XPO7: variants seen among roughly 807,000 people sequenced by gnomAD.
XPO7 encodes exportin 7.
Under a neutral mutation model 144.3 loss-of-function variants are expected in XPO7, and 21 were observed. That is an observed-to-expected ratio of 0.15 (90% CI 0.10 to 0.21). The LOEUF is 0.21. Among genes scored for constraint, XPO7 ranks in the 10% least tolerant of loss-of-function variants. XPO7 has a pLI of 1.00. For missense variants in XPO7, 808 were observed against 1,325.8 expected, an observed-to-expected ratio of 0.61 and a Z score of 6.06; for synonymous variants, 580 against 499.6, an observed-to-expected ratio of 1.16 and a Z score of -2.15.
At chr8:22,004,918 TTAAA>T in intron 27 of XPO7, 73 bp from the exon 28 acceptor site, 5 of 758,564 alleles carry the variant, frequency 6.6e-6, no homozygotes, top group East Asian at 3.1e-5. Context: ...TTCCCATGCT[TTAAA>T]AAAAAAAAAA....
chr8:21,987,971 G>A (rs1297709866), intron 15 of XPO7, 114 bp downstream of exon 15: 67 of 1,168,190 alleles, frequency 5.7e-5, no homozygotes, highest in South Asian at 7.6e-5. Context: ...GATCGTTTGC[G>A]TCAGAAAATT....
chr8:21,994,550 T>A, intron 20 of XPO7, 99 bp downstream of exon 20: 2 of 1,129,074 alleles, frequency 1.8e-6, no homozygotes, highest in South Asian at 1.3e-5. Flanking sequence ...GGGAGGGTAG[T>A]GAGGCAGAGA....
intron 1 of XPO7, among the ~76,000 whole-genome samples, chr8:21,937,023 C>T (rs977326731): frequency 2.6e-5 from 4 of 152,176 alleles, no homozygotes; most frequent in African/African-American, 9.7e-5. Flanking sequence ...TTAGATCACT[C>T]TTAACGGACT....
At chr8:21,993,959 C>T (rs1321533622) in intron 19 of XPO7, among the ~76,000 whole-genome samples, 1 of 150,788 alleles carries the variant, frequency 6.6e-6, no homozygotes, top group African/African-American at 2.4e-5. Flanking sequence ...CTCCGCCCCC[C>T]ACCCTCTCTC....
Position 22,002,296 on chromosome 8 carries a change from G to A in XPO7, c.2943+24G>A. ...AGGTAAGAAAGTGGAGGCTTAGGAGGCAGTGATGGGGTGTCCGACAGAGGA... is the reference window on the plus strand; with the variant it reads ...AGGTAAGAAAGTGGAGGCTTAGGAGACAGTGATGGGGTGTCCGACAGAGGA... On this transcript the variant is annotated intron_variant, in intron 25 of 27. Transcript: ENST00000252512. 7.5e-6 allele frequency: 12 copies of A among 1,606,920 alleles called. No homozygotes were observed. The South Asian group carries it at 7.8e-5, about 10-fold the overall frequency.
Position 21,999,096 on chromosome 8 carries a change from C to T in XPO7, c.2434C>T (p.Arg812Cys), listed in dbSNP as rs751802967. The T allele has an allele frequency of 3.7e-6, 6 of 1,613,948 alleles. No individual in the cohort carries two copies. Among genetic ancestry groups the T allele is most frequent in the Non-Finnish European group, 2.5e-6 (3 of 1,179,862 alleles). Residue 812 changes from arginine to cysteine, a missense_variant, in exon 23 of 28, where the codon CGC (arginine) becomes TGC (cysteine). Around this residue, in one of 5 missense-constraint regions of XPO7, gnomAD observed 416 missense variants for 612.5 expected, o/e 0.68. Transcript: ENST00000252512. The part of the protein sequence containing the change: ...TSKMITMYGN[R>C]ILTLGEVPKD... The stretch of plus-strand genomic sequence containing the variant: ...TATATGACATGTCTACTCAGGCAAT[C>T]GCATCCTGACACTAGGAGAGGTCCC...
chr8:21,992,032 T>A, intron 19 of XPO7, 58 bp downstream of exon 19: 3 of 1,402,228 alleles, frequency 2.1e-6, no homozygotes, highest in Non-Finnish European at 3.0e-6. Flanking sequence ...AGTCTCTGAT[T>A]GAAAATCGTG....
In XPO7 at chr8:21,985,618, G is replaced by T. The variant is rs1585469625; in HGVS notation, c.1504G>T (p.Ala502Ser). 1.2e-6 allele frequency: 2 copies of T among 1,613,944 alleles called. No individual in the cohort carries two copies. Among genetic ancestry groups the T allele is most frequent in the East Asian group, 4.5e-5 (2 of 44,880 alleles). ...GACATGGCTGGTTTACATTATTGGA[G>T]CAGTGATCGGTGGCCGGGTTTCTTT... ...RLTWLVYIIG[A>S]VIGGRVSFAS... Residue 502 changes from alanine to serine, a missense_variant, in exon 13 of 28, where the codon GCA (alanine) becomes TCA (serine). Ala to Ser is a moderately conservative substitution (Grantham distance 99). Coordinates refer to ENST00000252512, the MANE Select transcript of XPO7 (RefSeq NM_015024.5).
intron 1 of XPO7, among the ~76,000 whole-genome samples, chr8:21,953,744 C>T (rs910844117): frequency 6.6e-6 from 1 of 152,138 alleles, no homozygotes; most frequent in Admixed American, 6.5e-5. Context: ...CTTTAATTTG[C>T]AGTTTCTTGA....
At position 22,004,088 on chromosome 8, in the gene XPO7, G is replaced by A. The variant is rs574448855; in HGVS notation, c.3170+58G>A. 5.0e-6 allele frequency: 8 copies of A among 1,602,704 alleles called. No individual in the cohort carries two copies. The African/African-American group carries it at 6.7e-5, about 13-fold the overall frequency. ...GACAATTGCTATTTTTCAAATCAAC[G>A]AAACAGGCAGTTGCTTTAAAGTCTT... On this transcript the variant is annotated intron_variant, in intron 27 of 27. Transcript: ENST00000252512.
At chr8:21,924,629 C>G (rs755929697) in intron 1 of XPO7, among the ~76,000 whole-genome samples, 1 of 152,052 alleles carries the variant, frequency 6.6e-6, no homozygotes, top group Non-Finnish European at 1.5e-5. Context: ...TTACTGCTCT[C>G]TGGTGGGGGT....
chr8:21,969,751 G>GC lies in XPO7; in HGVS notation c.259+176dup, dbSNP rs1276366252. On this transcript the variant is annotated intron_variant, in intron 3 of 27. Coordinates refer to ENST00000252512, the MANE Select transcript of XPO7 (RefSeq NM_015024.5). ...GGCTTATGAAAGTGAAGGGCCCGAC[G>GC]CAATAACTTCTGGATAAAGCCTAAG... 7.9e-6 allele frequency: 5 copies of GC among 635,626 alleles called. No individual in the cohort carries two copies. The Admixed American group carries it at 1.6e-4, about 20-fold the overall frequency. 39.4% of individuals were successfully genotyped at this position (635,626 alleles called of 1,614,324 possible). A position where few individuals can be genotyped will look rare whatever the true frequency, so the allele number is the denominator to read the frequency against.
chr8:21,987,021 G>C (rs1427131061), intron 13 of XPO7, 120 bp from the exon 14 acceptor site: 3 of 1,364,042 alleles, frequency 2.2e-6, no homozygotes. Flanking sequence ...AGATGAATTT[G>C]GTTGCAGGAG....
chr8:21,954,582 T>C (rs1186708808), intron 1 of XPO7, among the ~76,000 whole-genome samples: 2 of 152,046 alleles, frequency 1.3e-5, no homozygotes, highest in Non-Finnish European at 2.9e-5. Context: ...TGCAGTGAGC[T>C]GAGATCTTGC....
intron 8 of XPO7, 30 bp downstream of exon 8, chr8:21,977,873 A>G (rs1812278546): frequency 6.3e-7 from 1 of 1,587,358 alleles, no homozygotes; most frequent in Non-Finnish European, 8.6e-7. Context: ...TCTTAAAGCA[A>G]ACCTATTCAT....
chr8:21,985,500 GTT>G, intron 12 of XPO7, 84 bp from the exon 13 acceptor site: 1 of 1,245,478 alleles, frequency 8.0e-7, no homozygotes. Context: ...TCACCACAGT[GTT>G]CTTAAGATTA....
chr8:21,939,332 C>T (rs1810919090), intron 1 of XPO7, among the ~76,000 whole-genome samples: 1 of 151,864 alleles, frequency 6.6e-6, no homozygotes, highest in Non-Finnish European at 1.5e-5. Context: ...AGCGATTCTG[C>T]TGCCTCAGCC....
chr8:21,919,910 G>T lies in XPO7; in HGVS notation c.18+122G>T, dbSNP rs983438992. 6 of 226,376 alleles carry T rather than the reference G, an allele frequency of 2.7e-5. No individual in the cohort carries two copies. The South Asian group carries it at 9.8e-4, about 37-fold the overall frequency. 14.0% of individuals were successfully genotyped at this position (226,376 alleles called of 1,614,324 possible). A position where few individuals can be genotyped will look rare whatever the true frequency, so the allele number is the denominator to read the frequency against. The stretch of plus-strand genomic sequence containing the variant: ...CGGCAGGCCCGCGCCGCCGCCACTC[G>T]GGGCTCTGGAGCCGCCGCCCGTCCC... On this transcript the variant is annotated intron_variant, in intron 1 of 27. Transcript: ENST00000252512.
chr8:21,922,500 A>T (rs1810321240), intron 1 of XPO7, among the ~76,000 whole-genome samples: 1 of 152,106 alleles, frequency 6.6e-6, no homozygotes, highest in African/African-American at 2.4e-5. Context: ...GGGAGAAAAA[A>T]ATCAAACTTA....
Sources: gnomAD v4.1 joint callset for allele counts (sites outside exome capture counted in the v4.1 genomes callset) on GRCh38, gnomAD v4.1.1 for gene constraint, gnomAD v4.1.1 regional missense constraint, MANE v1.5 for transcripts, NCBI Gene and HGNC (gene_info 2026-07-23, HGNC 2026-07-21) for gene names.